The following PARVA variants were observed in gnomAD, a reference collection of about 807,000 sequenced individuals.
PARVA encodes the protein parvin alpha.
A neutral mutation model predicts 52.6 loss-of-function variants in PARVA; 25 were observed. The ratio of observed to expected loss-of-function variants is 0.48; its 90% CI spans 0.35 to 0.66. The LOEUF (loss-of-function observed/expected upper bound fraction) is 0.66, where lower values mean the gene tolerates loss of function less well. Ranked by LOEUF, PARVA falls within the 30% of genes least tolerant of loss-of-function variation. PARVA has a pLI of 0.01. For missense variants in PARVA, 373 were observed against 450.9 expected (o/e 0.83, Z 1.56); for synonymous variants, 185 against 179.1 (o/e 1.03, Z -0.26).
In PARVA at chr11:12,469,474, C is replaced by G. The variant is rs148184128; in HGVS notation, c.137-4271C>G. On this transcript the variant is annotated intron_variant, in intron 1 of 12. Transcript: ENST00000334956. Reference sequence around the variant, plus strand: ...TAAACATCAGATTCCCATTCTGTGCCGAGAAAATTCAGTTGTAGCTCTTTC... The same window carrying G: ...TAAACATCAGATTCCCATTCTGTGCGGAGAAAATTCAGTTGTAGCTCTTTC... 3.6e-3 allele frequency among the ~76,000 whole-genome samples: 545 copies of G among 152,226 alleles called. 1 individual carries two copies. Among genetic ancestry groups the G allele is most frequent in the African/African-American group, 0.012 (504 of 41,534 alleles).
intron 1 of PARVA, among the ~76,000 whole-genome samples, chr11:12,438,017 T>G (rs1228442495): frequency 6.6e-6 from 1 of 152,032 alleles, no homozygotes; most frequent in Non-Finnish European, 1.5e-5. Context: ...TCCCAGCACT[T>G]TGGGAGGCCG....
At chr11:12,491,756 G>A (rs926866042) in intron 4 of PARVA, among the ~76,000 whole-genome samples, 1 of 152,072 alleles carries the variant, frequency 6.6e-6, no homozygotes, top group African/African-American at 2.4e-5. Flanking sequence ...CTATCACAGT[G>A]CTAGTTTTTA....
At chr11:12,489,562 ATATT>A (rs917162636) in intron 4 of PARVA, among the ~76,000 whole-genome samples, 10 of 152,278 alleles carry the variant, frequency 6.6e-5, no homozygotes, top group Non-Finnish European at 1.5e-4. Flanking sequence ...AGTATAGTAA[ATATT>A]TAAAGAAAAC....
chr11:12,473,673 C>A (rs1315930957), intron 1 of PARVA, 72 bp from the exon 2 acceptor site: 3 of 1,127,640 alleles, frequency 2.7e-6, no homozygotes, highest in East Asian at 2.6e-5. Context: ...ATATCGAACA[C>A]CCTTGTTACA....
intron 1 of PARVA, among the ~76,000 whole-genome samples, chr11:12,463,149 A>G (rs752452340): frequency 1.3e-5 from 2 of 152,058 alleles, no homozygotes; most frequent in Non-Finnish European, 2.9e-5. Context: ...TTAAATTAGT[A>G]TGGTACAATT....
chr11:12,389,413 T>C (rs1213576665), intron 1 of PARVA, among the ~76,000 whole-genome samples: 2 of 152,126 alleles, frequency 1.3e-5, no homozygotes, highest in African/African-American at 4.8e-5. Flanking sequence ...TGAGACCCAG[T>C]GGAGGTCTGG....
At chr11:12,502,408 G>A (rs1407831085) in intron 5 of PARVA, among the ~76,000 whole-genome samples, 1 of 139,900 alleles carries the variant, frequency 7.1e-6, no homozygotes, top group African/African-American at 2.6e-5. Context: ...CACAAAATAG[G>A]CATTTTTTTT....
chr11:12,412,814 C>A (rs1940009202), intron 1 of PARVA, among the ~76,000 whole-genome samples: 1 of 152,218 alleles, frequency 6.6e-6, no homozygotes, highest in Non-Finnish European at 1.5e-5. Flanking sequence ...CTTTCCACGC[C>A]AGTGTTAATA....
At chr11:12,480,045 G>A (rs1024753405) in intron 4 of PARVA, 3 of 152,132 alleles carry the variant, frequency 2.0e-5, no homozygotes, top group African/African-American at 7.2e-5. Flanking sequence ...TCAACATGGT[G>A]AAACCCTGTC....
At chr11:12,451,325 A>G (rs186149875) in intron 1 of PARVA, among the ~76,000 whole-genome samples, 8 of 152,076 alleles carry the variant, frequency 5.3e-5, no homozygotes, top group Non-Finnish European at 1.2e-4. Context: ...TAAACCCCAG[A>G]TTTTCAGGCA....
At position 12,387,871 on chromosome 11, in the gene PARVA, A is replaced by G. The variant is rs148644763; in HGVS notation, c.136+10088A>G. ...CTGAAATGGCATGGTACGTATTTATATGAAGGAGGACTAAGGTAAAAGAGC... is the reference window on the plus strand; with the variant it reads ...CTGAAATGGCATGGTACGTATTTATGTGAAGGAGGACTAAGGTAAAAGAGC... On this transcript the variant is annotated intron_variant, in intron 1 of 12. Transcript: ENST00000334956. 8.7e-3 allele frequency among the ~76,000 whole-genome samples: 1,318 copies of G among 152,202 alleles called. 16 individuals carry two copies. Among genetic ancestry groups the G allele is most frequent in the African/African-American group, 0.031 (1,278 of 41,508 alleles).
chr11:12,486,542 A>C lies in PARVA; in HGVS notation c.400+8593A>C, dbSNP rs557864089. 1.6e-3 allele frequency among the ~76,000 whole-genome samples: 237 copies of C among 151,646 alleles called. No homozygotes were observed. The Middle Eastern group carries it at 0.024, about 16-fold the overall frequency. The stretch of plus-strand genomic sequence containing the variant: ...GAGCGAAACTCTGTCTCAAAAATAA[A>C]AATAAAAATAAAATAAAATAAAGCT... On this transcript the variant is annotated intron_variant, in intron 4 of 12. Transcript: ENST00000334956.
At chr11:12,496,779 G>A (rs894124685) in intron 5 of PARVA, among the ~76,000 whole-genome samples, 181 bp downstream of exon 5, 2 of 152,148 alleles carry the variant, frequency 1.3e-5, no homozygotes, top group African/African-American at 4.8e-5. Context: ...ATACCCTTGG[G>A]GAAAAATAAC....
At chr11:12,491,396 GGC>G (rs1474454294) in intron 4 of PARVA, among the ~76,000 whole-genome samples, 2 of 152,112 alleles carry the variant, frequency 1.3e-5, no homozygotes, top group African/African-American at 4.8e-5. Flanking sequence ...TCCAACTCCT[GGC>G]CTCAAGCAGT....
chr11:12,491,112 A>G (rs1381929409), intron 4 of PARVA, among the ~76,000 whole-genome samples: 1 of 152,224 alleles, frequency 6.6e-6, no homozygotes, highest in Non-Finnish European at 1.5e-5. Flanking sequence ...GGTAAACTCA[A>G]TATCAGACCA....
At chr11:12,446,771 A>T (rs764912986) in intron 1 of PARVA, among the ~76,000 whole-genome samples, 6 of 152,190 alleles carry the variant, frequency 3.9e-5, no homozygotes, top group African/African-American at 4.8e-5. Context: ...TTTGCAGTTC[A>T]TTGCTTTCCT....
At chr11:12,461,895 G>T (rs1043170607) in intron 1 of PARVA, among the ~76,000 whole-genome samples, 2 of 151,292 alleles carry the variant, frequency 1.3e-5, no homozygotes, top group African/African-American at 4.9e-5. Context: ...TCGGTGACTA[G>T]ACTAGCTGTG....
intron 6 of PARVA, among the ~76,000 whole-genome samples, chr11:12,505,378 G>C (rs1206438798): frequency 2.0e-5 from 3 of 152,176 alleles, no homozygotes; most frequent in Admixed American, 2.0e-4. Flanking sequence ...CAAGACAAAA[G>C]GACTTTGAGT....
In PARVA at chr11:12,399,676, AT is replaced by A. The variant is rs1939798239; in HGVS notation, c.136+21897del. Among the ~76,000 whole-genome samples, 3 of 151,240 alleles carry A rather than the reference AT, an allele frequency of 2.0e-5. No individual in the cohort carries two copies. In the South Asian group the frequency reaches 6.2e-4, roughly 31 times the overall value. ...ATTTCCAAGTTTCTTGTGTGTGTGTATTTTGTTGTTTTTAGCTTGTATATAC... is the reference window on the plus strand; with the variant it reads ...ATTTCCAAGTTTCTTGTGTGTGTGTATTTGTTGTTTTTAGCTTGTATATAC... On this transcript the variant is annotated intron_variant, in intron 1 of 12. Transcript: ENST00000334956.
Sources: allele counts gnomAD v4.1 joint callset (sites outside exome capture counted in the v4.1 genomes callset), GRCh38; gene constraint gnomAD v4.1.1; transcripts MANE v1.5; gene names NCBI Gene and HGNC (gene_info 2026-07-23, HGNC 2026-07-21).